Variants in FOXP1 observed in about 807,000 individuals in gnomAD.
FOXP1 encodes the protein forkhead box P1, also known as forkhead box protein P1.
Under a neutral mutation model 98.2 loss-of-function variants are expected in FOXP1, and 15 were observed. That is an observed-to-expected ratio of 0.15 (90% CI 0.10 to 0.24). The LOEUF (loss-of-function observed/expected upper bound fraction) is 0.24. Among genes scored for constraint, FOXP1 ranks in the 10% least tolerant of loss-of-function variants. The probability of loss-of-function intolerance (pLI) is 1.00; values close to 1 mark genes in which losing one functional copy is unlikely to be tolerated. For missense variants in FOXP1, 633 were observed against 848.5 expected, an observed-to-expected ratio of 0.75 and a Z score of 3.15; for synonymous variants, 371 against 314.5, an observed-to-expected ratio of 1.18 and a Z score of -1.90.
intron 4 of FOXP1, among the ~76,000 whole-genome samples, chr3:71,315,489 T>C (rs1576933211): frequency 6.6e-6 from 1 of 152,138 alleles, no homozygotes; most frequent in Non-Finnish European, 1.5e-5. Context: ...TTTTTCTGCC[T>C]CAGTTGCGTG....
intron 6 of FOXP1, among the ~76,000 whole-genome samples, chr3:71,131,266 C>T (rs1196795298): frequency 1.3e-5 from 2 of 152,084 alleles, no homozygotes; most frequent in Non-Finnish European, 2.9e-5. Context: ...CCTTAACCCG[C>T]CCCAAAATGA....
intron 7 of FOXP1, among the ~76,000 whole-genome samples, chr3:71,058,497 T>C (rs1365078265): frequency 3.9e-5 from 6 of 151,970 alleles, no homozygotes; most frequent in Admixed American, 3.9e-4. Context: ...TTTGGCAGTG[T>C]CACCTGGTTA....
At chr3:71,267,124 A>AGTGTGTGTGT (rs1553808466) in intron 5 of FOXP1, among the ~76,000 whole-genome samples, 46 of 148,286 alleles carry the variant, frequency 3.1e-4, no homozygotes, top group African/African-American at 9.2e-4. Flanking sequence ...TATGGGAGAG[A>AGTGTGTGTGT]GTGTGTGTGT....
chr3:71,369,651 C>T (rs1339594300), intron 3 of FOXP1, among the ~76,000 whole-genome samples: 4 of 152,100 alleles, frequency 2.6e-5, no homozygotes, highest in Non-Finnish European at 5.9e-5. Flanking sequence ...CCTCAGTCTC[C>T]CAAAGTGCTA....
intron 4 of FOXP1, among the ~76,000 whole-genome samples, chr3:71,338,558 G>C (rs547720031): frequency 1.3e-5 from 2 of 152,264 alleles, no homozygotes; most frequent in African/African-American, 4.8e-5. Context: ...CTCCCAAGTA[G>C]CTGGGACTAC....
intron 3 of FOXP1, among the ~76,000 whole-genome samples, chr3:71,365,516 G>A (rs1422992652): frequency 6.6e-6 from 1 of 151,154 alleles, no homozygotes; most frequent in African/African-American, 2.4e-5. Context: ...TGTTAAGATA[G>A]TGTAGGTAAC....
At chr3:71,192,452 T>C (rs996171972) in intron 6 of FOXP1, among the ~76,000 whole-genome samples, 1 of 152,212 alleles carries the variant, frequency 6.6e-6, no homozygotes, top group African/African-American at 2.4e-5. Context: ...CCAGTGGTGG[T>C]TGCTGCCAGT....
Position 71,499,493 on chromosome 3 carries a change from C to T in FOXP1, c.-297-5938G>A, listed in dbSNP as rs186946159. 1.2e-4 allele frequency among the ~76,000 whole-genome samples: 18 copies of T among 152,268 alleles called. No homozygotes were observed. In the East Asian group the frequency reaches 3.5e-3, roughly 29 times the overall value. ...AAACATACAGACATGCAGATATATA[C>T]ATCTTCATAATTGTTCGTTTTTAAA... is the stretch of plus-strand genomic sequence containing the variant. On this transcript the variant is annotated intron_variant, in intron 2 of 20. Coordinates refer to ENST00000649528, the MANE Select transcript of FOXP1 (RefSeq NM_001349338.3).
At chr3:71,331,649 G>A (rs1432801609) in intron 4 of FOXP1, among the ~76,000 whole-genome samples, 3 of 152,234 alleles carry the variant, frequency 2.0e-5, no homozygotes, top group African/African-American at 7.2e-5. Flanking sequence ...CTCAAGGTTT[G>A]TAAATACACC....
At chr3:71,380,483 T>C (rs2080060821) in intron 3 of FOXP1, among the ~76,000 whole-genome samples, 1 of 152,246 alleles carries the variant, frequency 6.6e-6, no homozygotes, top group Admixed American at 6.5e-5. Context: ...AGGGTTATTG[T>C]AGCCAGTATA....
At chr3:71,042,801 A>T (rs1488614341) in intron 10 of FOXP1, among the ~76,000 whole-genome samples, 1 of 152,192 alleles carries the variant, frequency 6.6e-6, no homozygotes, top group Admixed American at 6.6e-5. Context: ...CCAAGGTCTA[A>T]ATTTAATTTA....
chr3:70,963,835 A>T (rs1472424522), intron 20 of FOXP1, among the ~76,000 whole-genome samples: 1 of 152,192 alleles, frequency 6.6e-6, no homozygotes, highest in African/African-American at 2.4e-5. Flanking sequence ...GGACGAACGA[A>T]ACGTAGTGGT....
intron 11 of FOXP1, among the ~76,000 whole-genome samples, chr3:71,030,198 T>C (rs938953007): frequency 4.6e-5 from 7 of 152,206 alleles, no homozygotes; most frequent in African/African-American, 1.4e-4. Context: ...ACACCTACTT[T>C]GTGATAATCA....
chr3:71,399,404 A>C (rs1055285196), intron 3 of FOXP1, among the ~76,000 whole-genome samples: 2 of 152,198 alleles, frequency 1.3e-5, no homozygotes, highest in Admixed American at 1.3e-4. Flanking sequence ...AGTATAAAAT[A>C]CCCTTTATTC....
intron 5 of FOXP1, among the ~76,000 whole-genome samples, chr3:71,257,711 T>C (rs1425170439): frequency 1.3e-5 from 2 of 152,120 alleles, no homozygotes; most frequent in East Asian, 3.9e-4. Context: ...TCAGGACTCT[T>C]AATCTGGATT....
intron 2 of FOXP1, among the ~76,000 whole-genome samples, chr3:71,533,992 T>C (rs1037648302): frequency 6.6e-6 from 1 of 152,156 alleles, no homozygotes; most frequent in Admixed American, 6.5e-5. Context: ...TGTCCGTCTG[T>C]ATATTGGGGG....
chr3:71,131,921 T>C (rs990197855), intron 6 of FOXP1, among the ~76,000 whole-genome samples: 1 of 152,162 alleles, frequency 6.6e-6, no homozygotes, highest in South Asian at 2.1e-4. Flanking sequence ...TACTGCCTCA[T>C]CTCCCTTCTG....
intron 5 of FOXP1, among the ~76,000 whole-genome samples, chr3:71,283,757 T>A (rs895608631): frequency 6.6e-6 from 1 of 152,212 alleles, no homozygotes; most frequent in Non-Finnish European, 1.5e-5. Flanking sequence ...CACTGATGTA[T>A]CCTGGGATGC....
intron 5 of FOXP1, among the ~76,000 whole-genome samples, chr3:71,222,567 C>T (rs1218318717): frequency 3.3e-5 from 5 of 152,168 alleles, no homozygotes; most frequent in South Asian, 2.1e-4. Context: ...TACAGGTGCC[C>T]GCCACCACGC....
Sources: allele counts gnomAD v4.1 joint callset (sites outside exome capture counted in the v4.1 genomes callset), GRCh38; gene constraint gnomAD v4.1.1; transcripts MANE v1.5; gene names NCBI Gene and HGNC (gene_info 2026-07-23, HGNC 2026-07-21).